The following CFAP299 variants were observed in gnomAD, a reference collection of about 807,000 sequenced individuals.
The protein encoded by CFAP299 is cilia- and flagella-associated protein 299.
In CFAP299, 21 loss-of-function variants were observed where a neutral mutation model predicts 27.0. That is an observed-to-expected ratio of 0.78 (90% confidence interval 0.55 to 1.12). CFAP299 has a LOEUF of 1.12. CFAP299 is among the 50% of genes most tolerant of loss of function. The probability of loss-of-function intolerance (pLI) is 0.00; values close to 1 mark genes in which losing one functional copy is unlikely to be tolerated. For synonymous variants in CFAP299, 104 were observed against 98.1 expected (o/e 1.06, Z -0.36); for missense variants, 310 against 276.6 (o/e 1.12, Z -0.86).
At chr4:80,349,354 C>A (rs780647816) in intron 1 of CFAP299, among the ~76,000 whole-genome samples, 1 of 152,108 alleles carries the variant, frequency 6.6e-6, no homozygotes, top group African/African-American at 2.4e-5. Flanking sequence ...TAATTTGATG[C>A]AATACAAATT....
intron 3 of CFAP299, among the ~76,000 whole-genome samples, chr4:80,637,054 A>C (rs1031321012): frequency 6.6e-6 from 1 of 152,200 alleles, no homozygotes. Context: ...AATAAAACAA[A>C]GACTATGAAA....
intron 2 of CFAP299, among the ~76,000 whole-genome samples, chr4:80,456,352 A>G (rs868523503): frequency 1.8e-4 from 28 of 152,068 alleles, no homozygotes; most frequent in Admixed American, 1.5e-3. Flanking sequence ...CCCTCTGGCT[A>G]TAATAAGAAT....
chr4:80,558,354 G>GT lies in CFAP299; in HGVS notation c.243-24736dup, dbSNP rs1159652533. On this transcript the variant is annotated intron_variant, in intron 2 of 5. Coordinates refer to ENST00000358105, the MANE Select transcript of CFAP299 (RefSeq NM_152770.3). ...ACTTTTGTGGTTTTTTTGTTTGTTTGTTTGTTTGTTTGTTTTTTTTTTGGC... is the reference window on the plus strand; with the variant it reads ...ACTTTTGTGGTTTTTTTGTTTGTTTGTTTTGTTTGTTTGTTTTTTTTTTGGC... Among the ~76,000 whole-genome samples the GT allele has an allele frequency of 4.7e-3, 591 of 126,208 alleles. 14 individuals carry two copies. Among genetic ancestry groups the GT allele is most frequent in the African/African-American group, 9.6e-3 (288 of 30,076 alleles). The allele number at this position is 126,208 out of a possible 152,430, so 82.8% of individuals were successfully genotyped here. A position where few individuals can be genotyped will look rare whatever the true frequency, so the allele number is the denominator to read the frequency against.
intron 3 of CFAP299, among the ~76,000 whole-genome samples, chr4:80,731,271 G>A (rs1417355004): frequency 6.6e-6 from 1 of 152,112 alleles, no homozygotes; most frequent in Non-Finnish European, 1.5e-5. Context: ...GTCCCATGTT[G>A]CTAAAATACG....
intron 4 of CFAP299, among the ~76,000 whole-genome samples, chr4:80,925,972 T>C (rs1345851251): frequency 6.6e-6 from 1 of 152,070 alleles, no homozygotes; most frequent in African/African-American, 2.4e-5. Flanking sequence ...GTTTCTACAG[T>C]AGATTATCCA....
intron 4 of CFAP299, among the ~76,000 whole-genome samples, chr4:80,912,272 G>A (rs929330248): frequency 1.3e-5 from 2 of 151,992 alleles, no homozygotes; most frequent in Admixed American, 1.3e-4. Flanking sequence ...TTAACATTTC[G>A]GCTGCAGCTA....
At chr4:80,443,644 C>T (rs1728476070) in intron 2 of CFAP299, among the ~76,000 whole-genome samples, 1 of 152,186 alleles carries the variant, frequency 6.6e-6, no homozygotes, top group Admixed American at 6.5e-5. Context: ...CCTCTCTCAC[C>T]ACTCCTATTC....
chr4:80,869,108 G>T (rs187087342), intron 3 of CFAP299, among the ~76,000 whole-genome samples: 2 of 152,026 alleles, frequency 1.3e-5, no homozygotes, highest in Non-Finnish European at 2.9e-5. Flanking sequence ...AGTGTGAGTC[G>T]CAAGAAGTCT....
chr4:80,329,208 CATAT>C, the CFAP299 span, among the ~76,000 whole-genome samples: 107 of 136,006 alleles, frequency 7.9e-4, no homozygotes, highest in East Asian at 5.4e-3. Flanking sequence ...ACACTGTATA[CATAT>C]ATATATATAT....
At chr4:80,760,240 G>A (rs1725474987) in intron 3 of CFAP299, among the ~76,000 whole-genome samples, 1 of 152,114 alleles carries the variant, frequency 6.6e-6, no homozygotes. Context: ...GATTATTTGT[G>A]TGAGACAGGA....
chr4:80,771,161 T>C (rs1461977976), intron 3 of CFAP299, among the ~76,000 whole-genome samples: 1 of 152,098 alleles, frequency 6.6e-6, no homozygotes, highest in Admixed American at 6.6e-5. Flanking sequence ...CACAATCCAA[T>C]CCAGATCTCC....
At chr4:80,767,500 T>C (rs1365641769) in intron 3 of CFAP299, among the ~76,000 whole-genome samples, 1 of 152,038 alleles carries the variant, frequency 6.6e-6, no homozygotes, top group African/African-American at 2.4e-5. Context: ...TCCCAGCTAC[T>C]GAGGAGGCTG....
rs185258102 is a variant in CFAP299 at position 80,573,041 on chromosome 4, G to A, written c.243-10052G>A. 3.3e-5 allele frequency among the ~76,000 whole-genome samples: 5 copies of A among 152,188 alleles called. No individual in the cohort carries two copies. In the East Asian group the frequency reaches 7.8e-4, roughly 24 times the overall value. ...CTCTGTTTTTAGTTTTCTGAGGAAC[G>A]TACAAACTGTTCTCCATAGTGGCTA... On this transcript the variant is annotated intron_variant, in intron 2 of 5. Transcript: ENST00000358105.
At chr4:80,365,118 C>T (rs1356268441) in intron 2 of CFAP299, among the ~76,000 whole-genome samples, 1 of 152,116 alleles carries the variant, frequency 6.6e-6, no homozygotes, top group Admixed American at 6.6e-5. Context: ...TGGGTATATA[C>T]TCAGTGTTGG....
upstream of CFAP299, among the ~76,000 whole-genome samples, chr4:80,333,657 T>C (rs1722019428): frequency 1.3e-5 from 2 of 152,216 alleles, no homozygotes; most frequent in Non-Finnish European, 2.9e-5. Flanking sequence ...TTTGTTATTC[T>C]TACATAACAT....
chr4:80,510,314 T>C (rs60366641), intron 2 of CFAP299, among the ~76,000 whole-genome samples: 6,741 of 152,220 alleles, frequency 0.044, 509 homozygotes, highest in African/African-American at 0.15. Flanking sequence ...CTTTGACCAG[T>C]CAGTTCACCC....
intron 3 of CFAP299, among the ~76,000 whole-genome samples, chr4:80,755,879 A>T (rs1488148572): frequency 6.6e-6 from 1 of 152,140 alleles, no homozygotes; most frequent in East Asian, 1.9e-4. Context: ...CCATCCTACT[A>T]TCCTGCCCTG....
intron 2 of CFAP299, among the ~76,000 whole-genome samples, chr4:80,445,455 A>G (rs908694293): frequency 6.6e-6 from 1 of 152,208 alleles, no homozygotes; most frequent in Non-Finnish European, 1.5e-5. Context: ...ATTCTCACTT[A>G]TAAGTGGGAG....
chr4:80,376,846 C>A (rs114402758), intron 2 of CFAP299, among the ~76,000 whole-genome samples: 1 of 151,976 alleles, frequency 6.6e-6, no homozygotes, highest in Non-Finnish European at 1.5e-5. Context: ...GTAGAGACAG[C>A]GTTTAACCAC....
Sources: allele counts gnomAD v4.1 joint callset (sites outside exome capture counted in the v4.1 genomes callset), GRCh38; gene constraint gnomAD v4.1.1; transcripts MANE v1.5; gene names NCBI Gene and HGNC (gene_info 2026-07-23, HGNC 2026-07-21).